The following PIGL variants were observed in gnomAD, a reference collection of about 807,000 sequenced individuals.
PIGL encodes the protein phosphatidylinositol glycan anchor biosynthesis class L.
In PIGL, 22 loss-of-function variants were observed where a neutral mutation model predicts 31.1. The observed-to-expected ratio is 0.71, with a 90% confidence interval of 0.51 to 1.01. The LOEUF (loss-of-function observed/expected upper bound fraction) is 1.01, where lower values mean the gene tolerates loss of function less well. PIGL is among the 50% of genes least tolerant of loss of function. PIGL has a pLI of 0.00. For synonymous variants in PIGL, 131 were observed against 117.4 expected (o/e 1.12, Z -0.75); for missense variants, 302 against 315.9 (o/e 0.96, Z 0.33).
At chr17:16,300,072 T>A (rs2092998171) in intron 3 of PIGL, 94 bp downstream of exon 3, 1 of 877,908 alleles carries the variant, frequency 1.1e-6, no homozygotes, top group Admixed American at 1.8e-5. Flanking sequence ...ACCCTCCCAC[T>A]TCCAGTCCTT....
At chr17:16,267,427 T>G (rs945651935) in intron 2 of PIGL, among the ~76,000 whole-genome samples, 1 of 151,982 alleles carries the variant, frequency 6.6e-6, no homozygotes, top group African/African-American at 2.4e-5. Context: ...GCACACTTGG[T>G]GTAACTTTTG....
At chr17:16,248,782 T>G (rs949833369) in intron 2 of PIGL, among the ~76,000 whole-genome samples, 1 of 152,216 alleles carries the variant, frequency 6.6e-6, no homozygotes, top group Non-Finnish European at 1.5e-5. Flanking sequence ...AGTACTAAAA[T>G]CTGTCTTAGT....
intron 2 of PIGL, among the ~76,000 whole-genome samples, chr17:16,247,087 C>T (rs1192431681): frequency 6.6e-6 from 1 of 152,118 alleles, no homozygotes; most frequent in Non-Finnish European, 1.5e-5. Context: ...AAGAGATTCT[C>T]TCACTCTCTC....
intron 3 of PIGL, among the ~76,000 whole-genome samples, chr17:16,302,837 T>C (rs906507798): frequency 1.3e-5 from 2 of 152,126 alleles, no homozygotes; most frequent in East Asian, 3.9e-4. Flanking sequence ...GACCTCGTGA[T>C]CCGCCTTCCC....
At chr17:16,308,340 A>G (rs1276528273) in intron 3 of PIGL, among the ~76,000 whole-genome samples, 1 of 151,824 alleles carries the variant, frequency 6.6e-6, no homozygotes, top group African/African-American at 2.4e-5. Flanking sequence ...TCAAAAAAAA[A>G]GAAAATTACA....
intron 2 of PIGL, among the ~76,000 whole-genome samples, chr17:16,280,696 G>GTTTTTTTTGT (rs1555858362): frequency 6.6e-6 from 1 of 151,608 alleles, no homozygotes; most frequent in Admixed American, 6.6e-5. Flanking sequence ...TTCACTCAGT[G>GTTTTTTTTGT]TTTTTTTTGT....
chr17:16,232,768 T>TAA (rs34414046), intron 1 of PIGL, among the ~76,000 whole-genome samples: 58,444 of 144,076 alleles, frequency 0.41, 12,461 homozygotes, highest in Middle Eastern at 0.52. Flanking sequence ...GTTTATGACT[T>TAA]AAAAAAAAAA....
chr17:16,304,102 T>A (rs1361359469), intron 3 of PIGL, among the ~76,000 whole-genome samples: 1 of 152,204 alleles, frequency 6.6e-6, no homozygotes, highest in East Asian at 1.9e-4. Context: ...GGCCTGCACT[T>A]AGTGCCATAG....
At chr17:16,285,446 G>A (rs541631444) in intron 2 of PIGL, among the ~76,000 whole-genome samples, 1 of 152,270 alleles carries the variant, frequency 6.6e-6, no homozygotes, top group South Asian at 2.1e-4. Context: ...TTAGCCAGGC[G>A]CGGTGGCAGG....
chr17:16,225,483 G>A lies in PIGL; in HGVS notation c.235+8022G>A, dbSNP rs112967708. ...AGCTCACTGCAAGCTCCGCCTCCTG[G>A]GTTCACGCCATTCTCCTGCCTCAGC... On this transcript the variant is annotated intron_variant, in intron 1 of 6. Coordinates refer to ENST00000225609, the MANE Select transcript of PIGL (RefSeq NM_004278.4). Among the ~76,000 whole-genome samples the A allele has an allele frequency of 2.4e-3, 359 of 149,486 alleles. 1 individual carries two copies. The highest frequency in any genetic ancestry group is 4.3e-3 in the Non-Finnish European group (288 of 67,558).
At chr17:16,235,367 G>A (rs2092695125) in intron 2 of PIGL, among the ~76,000 whole-genome samples, 1 of 149,190 alleles carries the variant, frequency 6.7e-6, no homozygotes, top group Non-Finnish European at 1.5e-5. Flanking sequence ...TGAAGAAACT[G>A]AATTATGTTG....
chr17:16,263,407 T>C (rs987023148), intron 2 of PIGL, among the ~76,000 whole-genome samples: 3 of 152,152 alleles, frequency 2.0e-5, no homozygotes, highest in Non-Finnish European at 4.4e-5. Flanking sequence ...CTCAAACTCA[T>C]GACTGCAAGC....
chr17:16,252,066 CTTT>C (rs66540057), intron 2 of PIGL, among the ~76,000 whole-genome samples: 48,660 of 123,684 alleles, frequency 0.39, 9,835 homozygotes, highest in Middle Eastern at 0.51. Flanking sequence ...TTTTTTTTTC[CTTT>C]TTTTTTTTTT....
chr17:16,288,600 C>T (rs901116778), intron 2 of PIGL, among the ~76,000 whole-genome samples: 12 of 151,128 alleles, frequency 7.9e-5, no homozygotes, highest in Non-Finnish European at 1.6e-4. Flanking sequence ...AGTGCAATGG[C>T]GCGATCTTGG....
intron 2 of PIGL, among the ~76,000 whole-genome samples, chr17:16,277,636 A>G (rs774091788): frequency 1.3e-5 from 2 of 152,160 alleles, no homozygotes; most frequent in Non-Finnish European, 2.9e-5. Flanking sequence ...CTCTATTTTA[A>G]TGTCACAATT....
intron 2 of PIGL, among the ~76,000 whole-genome samples, chr17:16,258,492 TTTTA>T (rs577163154): frequency 2.0e-5 from 3 of 150,880 alleles, no homozygotes; most frequent in African/African-American, 2.4e-5. Context: ...TTATTTTTAT[TTTTA>T]TTTATTTATT....
At chr17:16,257,793 G>A (rs969089019) in intron 2 of PIGL, among the ~76,000 whole-genome samples, 1 of 151,984 alleles carries the variant, frequency 6.6e-6, no homozygotes, top group Admixed American at 6.6e-5. Context: ...CACCGGGCAC[G>A]GTGGCTTATG....
At chr17:16,273,384 A>T (rs1046555720) in intron 2 of PIGL, among the ~76,000 whole-genome samples, 5 of 152,262 alleles carry the variant, frequency 3.3e-5, no homozygotes, top group African/African-American at 1.2e-4. Context: ...ATGCCAGATC[A>T]CAAAGACCAT....
intron 2 of PIGL, among the ~76,000 whole-genome samples, chr17:16,243,744 T>C (rs983209216): frequency 6.6e-6 from 1 of 152,172 alleles, no homozygotes; most frequent in Non-Finnish European, 1.5e-5. Flanking sequence ...ACTCTGTGAG[T>C]GTTGTGATTT....
Sources: allele counts gnomAD v4.1 joint callset (sites outside exome capture counted in the v4.1 genomes callset), GRCh38; gene constraint gnomAD v4.1.1; transcripts MANE v1.5; gene names NCBI Gene and HGNC (gene_info 2026-07-23, HGNC 2026-07-21).